The following BOC variants were observed in gnomAD, a reference collection of about 807,000 sequenced individuals.
The protein encoded by BOC is BOC cell adhesion associated, oncogene regulated.
BOC carries 76 observed loss-of-function variants against 112.0 expected under a neutral mutation model. The ratio of observed to expected loss-of-function variants is 0.68; its 90% CI spans 0.56 to 0.82. The LOEUF (loss-of-function observed/expected upper bound fraction) is 0.82. Among genes scored for constraint, BOC ranks in the 40% least tolerant of loss-of-function variants. The pLI, the probability that BOC is intolerant of heterozygous loss-of-function variation, is 0.00. For missense variants in BOC, 1,309 were observed against 1,511.7 expected, an observed-to-expected ratio of 0.87 and a Z score of 2.22; for synonymous variants, 580 against 599.8, an observed-to-expected ratio of 0.97 and a Z score of 0.48.
intron 2 of BOC, among the ~76,000 whole-genome samples, chr3:113,217,990 A>G (rs1939792807): frequency 6.6e-6 from 1 of 152,148 alleles, no homozygotes; most frequent in South Asian, 2.1e-4. Context: ...TCCATTTGCC[A>G]TTTGTTTTAC....
At chr3:113,213,981 T>A (rs925952912) in intron 1 of BOC, among the ~76,000 whole-genome samples, 1 of 152,182 alleles carries the variant, frequency 6.6e-6, no homozygotes, top group Non-Finnish European at 1.5e-5. Context: ...TCAGACACTG[T>A]CTCTTTTATC....
At chr3:113,213,715 C>T (rs559710492) in intron 1 of BOC, among the ~76,000 whole-genome samples, 4 of 152,342 alleles carry the variant, frequency 2.6e-5, no homozygotes, top group Middle Eastern at 3.4e-3. Context: ...GACCCAGAAG[C>T]TTCTCGTGGT....
chr3:113,273,761 C>G (rs934849552), intron 8 of BOC, among the ~76,000 whole-genome samples: 1 of 152,158 alleles, frequency 6.6e-6, no homozygotes, highest in Non-Finnish European at 1.5e-5. Context: ...ACCAGGGAAA[C>G]AACTTGAGAA....
At chr3:113,221,933 C>T (rs1940755559) in intron 2 of BOC, among the ~76,000 whole-genome samples, 1 of 152,218 alleles carries the variant, frequency 6.6e-6, no homozygotes, top group African/African-American at 2.4e-5. Context: ...CTCACACTGG[C>T]TGGGCAGCCT....
chr3:113,282,011 TG>T (rs1949247059), intron 15 of BOC, among the ~76,000 whole-genome samples: 1 of 152,142 alleles, frequency 6.6e-6, no homozygotes, highest in South Asian at 2.1e-4. Flanking sequence ...GCCTTCACAC[TG>T]GTCTTCTGGA....
chr3:113,234,853 G>A (rs1308802449), intron 2 of BOC, among the ~76,000 whole-genome samples: 1 of 152,190 alleles, frequency 6.6e-6, no homozygotes, highest in Admixed American at 6.5e-5. Flanking sequence ...CTTGTCTGTG[G>A]TTCCGTATGT....
At chr3:113,235,526 G>T (rs1228533223) in intron 2 of BOC, among the ~76,000 whole-genome samples, 1 of 152,142 alleles carries the variant, frequency 6.6e-6, no homozygotes, top group Non-Finnish European at 1.5e-5. Flanking sequence ...TTTTCCCTCT[G>T]AGCAAGTAGA....
intron 2 of BOC, among the ~76,000 whole-genome samples, chr3:113,241,998 G>A (rs1352826493): frequency 6.6e-6 from 1 of 152,102 alleles, no homozygotes; most frequent in African/African-American, 2.4e-5. Flanking sequence ...GTAGAAAGGG[G>A]AGAGGCGAGG....
At chr3:113,247,335 G>GGAAA (rs1402127268) in intron 2 of BOC, among the ~76,000 whole-genome samples, 1 of 152,026 alleles carries the variant, frequency 6.6e-6, no homozygotes. Context: ...ATCTCATTGG[G>GGAAA]GAAAAGCAAA....
intron 4 of BOC, among the ~76,000 whole-genome samples, chr3:113,260,656 T>TTAGAATAGAA (rs1221490195): frequency 9.6e-6 from 1 of 104,406 alleles, no homozygotes; most frequent in African/African-American, 4.0e-5. Flanking sequence ...TTAGATTCTA[T>TTAGAATAGAA]TAGAATAGAA....
chr3:113,279,007 GCT>G, intron 11 of BOC: 1 of 635,750 alleles, frequency 1.6e-6, no homozygotes, highest in East Asian at 2.7e-5. Context: ...AGAGGCCAGA[GCT>G]GTGGTCCTTG....
chr3:113,264,691 G>T (rs1947272854), intron 4 of BOC, among the ~76,000 whole-genome samples: 1 of 152,114 alleles, frequency 6.6e-6, no homozygotes, highest in Non-Finnish European at 1.5e-5. Context: ...TAGAGAAAGG[G>T]GTCCTCTGAT....
chr3:113,232,995 G>T (rs572398563), intron 2 of BOC, among the ~76,000 whole-genome samples: 11 of 152,134 alleles, frequency 7.2e-5, no homozygotes, highest in Non-Finnish European at 7.3e-5. Context: ...TGTCCATGTC[G>T]CAGTGCAGCC....
intron 2 of BOC, among the ~76,000 whole-genome samples, chr3:113,217,541 A>G (rs1939675723): frequency 6.6e-6 from 1 of 150,464 alleles, no homozygotes; most frequent in Admixed American, 6.6e-5. Context: ...AAAAAAAAGA[A>G]AGAGAGATGG....
In BOC at chr3:113,278,829, T is replaced by C. The variant is rs766330505; in HGVS notation, c.1816+46T>C. On this transcript the variant is annotated intron_variant, in intron 11 of 19. Transcript: ENST00000682979. The surrounding 1 kb of genome is among the most constrained non-coding windows in gnomAD (Gnocchi z 4.2). ...ACGGACGCGCAGTCAGGACTGGAAC[T>C]GCCTCAGAGGCCTGTTCCCATGGCT... 2.9e-5 allele frequency: 43 copies of C among 1,500,026 alleles called. No homozygotes were observed. The African/African-American group carries it at 4.3e-4, about 15-fold the overall frequency. The allele number at this position is 1,500,026 out of a possible 1,614,324, so 92.9% of individuals were successfully genotyped here. A position where few individuals can be genotyped will look rare whatever the true frequency, so the allele number is the denominator to read the frequency against.
chr3:113,284,237 C>A, intron 16 of BOC, 98 bp from the exon 17 acceptor site: 1 of 1,002,156 alleles, frequency 1.0e-6, no homozygotes, highest in South Asian at 1.4e-5. Flanking sequence ...TCCTTCAACC[C>A]TCTGTGGCCA....
At chr3:113,232,851 T>C (rs1942842098) in intron 2 of BOC, among the ~76,000 whole-genome samples, 2 of 152,356 alleles carry the variant, frequency 1.3e-5, no homozygotes, top group East Asian at 1.9e-4. Flanking sequence ...GTCATTGTTA[T>C]AGATGTTTAC....
Position 113,283,532 on chromosome 3 carries a change from C to T in BOC, c.2556C>T (p.Ser852=), listed in dbSNP as rs143638588. 8.7e-6 allele frequency: 14 copies of T among 1,613,840 alleles called. No individual in the cohort carries two copies. The highest frequency in any genetic ancestry group is 1.6e-4 in the Middle Eastern group (1 of 6,084). ...CTGGGGCCATGGTGGCTCGCTCCAG[C>T]GACCTGCCCTATCTGATTGTCGGGG... ...VGTGAMVARS[S]DLPYLIVGVV... The change falls in exon 16 of 20, where the codon AGC becomes AGT. Residue 852 remains serine (S), a synonymous_variant. Transcript: ENST00000682979.
chr3:113,268,261 T>C lies in BOC; in HGVS notation c.377-38T>C, dbSNP rs767887295. 4.3e-6 allele frequency: 7 copies of C among 1,612,302 alleles called. No individual in the cohort carries two copies. In the East Asian group the frequency reaches 1.3e-4, roughly 31 times the overall value. ...ACCCTGAAATGTCACACTTTTGCTCTGCTGTCCTCCAACCAGCACCTTCCC... is the reference window on the plus strand; with the variant it reads ...ACCCTGAAATGTCACACTTTTGCTCCGCTGTCCTCCAACCAGCACCTTCCC... On this transcript the variant is annotated intron_variant, in intron 4 of 19. Coordinates refer to ENST00000682979, the MANE Select transcript of BOC (RefSeq NM_001378074.1).
Sources: allele counts gnomAD v4.1 joint callset (sites outside exome capture counted in the v4.1 genomes callset), GRCh38; gene constraint gnomAD v4.1.1; non-coding constraint Gnocchi (gnomAD v3.1); transcripts MANE v1.5; gene names NCBI Gene and HGNC (gene_info 2026-07-23, HGNC 2026-07-21).